C11orf58: variants seen among roughly 807,000 people sequenced by gnomAD.
The protein encoded by C11orf58 is small acidic protein.
C11orf58 carries 5 observed loss-of-function variants against 22.7 expected under a neutral mutation model. The observed-to-expected ratio is 0.22, with a 90% CI of 0.12 to 0.46. The LOEUF (loss-of-function observed/expected upper bound fraction) is 0.46, where lower values mean the gene tolerates loss of function less well. Ranked by LOEUF, C11orf58 falls within the 20% of genes least tolerant of loss-of-function variation. The probability of loss-of-function intolerance (pLI) is 0.99; values close to 1 mark genes in which losing one functional copy is unlikely to be tolerated. For missense variants in C11orf58, 151 were observed against 223.3 expected (o/e 0.68, Z 2.06); for synonymous variants, 71 against 70.7 (o/e 1.00, Z -0.02).
chr11:16,740,501 C>G (rs1432069690), intron 1 of C11orf58, among the ~76,000 whole-genome samples: 1 of 152,086 alleles, frequency 6.6e-6, no homozygotes, highest in Non-Finnish European at 1.5e-5. Flanking sequence ...CTCCCTGGCT[C>G]AGGTGATCCT....
At chr11:16,750,102 C>CA (rs1432633594) in intron 3 of C11orf58, 3 of 152,156 alleles carry the variant, frequency 2.0e-5, no homozygotes, top group Non-Finnish European at 4.4e-5. Flanking sequence ...GCAGAAGACT[C>CA]TAATACTGCC....
intron 4 of C11orf58, chr11:16,753,868 T>C (rs1398505621): frequency 4.1e-6 from 2 of 487,634 alleles, no homozygotes; most frequent in East Asian, 6.7e-5. Context: ...CTAGCTAATT[T>C]TTGTATTTTT....
chr11:16,751,047 C>T (rs1848528866), intron 3 of C11orf58: 1 of 152,208 alleles, frequency 6.6e-6, no homozygotes, highest in African/African-American at 2.4e-5. Flanking sequence ...AGAAGATAGA[C>T]ACAGAGCACA....
chr11:16,756,308 C>T lies in C11orf58; in HGVS notation c.*1204C>T, dbSNP rs1370470085. 3.7e-4 allele frequency: 46 copies of T among 122,700 alleles called. No homozygotes were observed. The Admixed American group carries it at 4.5e-3, about 12-fold the overall frequency. The allele number at this position is 122,700 out of a possible 1,614,324, so 7.6% of individuals were successfully genotyped here. A position where few individuals can be genotyped will look rare whatever the true frequency, so the allele number is the denominator to read the frequency against. ...TTTTTGAGACGGAGTCTCATTCTGT[C>T]GCCCAGGCTGGAGTGCAGTGGCGCG... is the stretch of plus-strand genomic sequence containing the variant. On this transcript the variant is annotated 3_prime_UTR_variant, in exon 5 of 5. Coordinates refer to ENST00000228136, the MANE Select transcript of C11orf58 (RefSeq NM_014267.6).
intron 1 of C11orf58, among the ~76,000 whole-genome samples, chr11:16,740,957 G>C (rs1848442734): frequency 6.6e-6 from 1 of 151,878 alleles, no homozygotes; most frequent in Admixed American, 6.6e-5. Flanking sequence ...TTAACCGGGC[G>C]TGGTAGCGGG....
intron 3 of C11orf58, chr11:16,750,485 A>G (rs1249089347): frequency 2.6e-5 from 4 of 152,256 alleles, no homozygotes; most frequent in African/African-American, 9.6e-5. Flanking sequence ...TGCTAAGGAC[A>G]TCTGTTGTGA....
chr11:16,743,912 G>C (rs1848467495), intron 1 of C11orf58, among the ~76,000 whole-genome samples: 1 of 152,004 alleles, frequency 6.6e-6, no homozygotes, highest in African/African-American at 2.4e-5. Context: ...GAGTTCAGTG[G>C]ACTCATTTGA....
At chr11:16,749,195 A>G (rs376465830) in intron 3 of C11orf58, 2 of 152,336 alleles carry the variant, frequency 1.3e-5, no homozygotes, top group East Asian at 3.9e-4. Context: ...AACTGACCCT[A>G]ATCTTGGACA....
chr11:16,758,340 A>G lies in C11orf58; in HGVS notation c.*3236A>G, dbSNP rs1274860555. 6.6e-6 allele frequency among the ~76,000 whole-genome samples: 1 copy of G among 152,200 alleles called. No homozygotes were observed. Among genetic ancestry groups the G allele is most frequent in the African/African-American group, 2.4e-5 (1 of 41,436 alleles). ...TATTAGTAAAAATTGGTTTTAACTG[A>G]CCTCAGCACTGCCCATTACCCTTAT... On this transcript the variant is annotated 3_prime_UTR_variant, in exon 5 of 5. Coordinates refer to ENST00000228136, the MANE Select transcript of C11orf58 (RefSeq NM_014267.6).
chr11:16,748,146 A>G lies in C11orf58; in HGVS notation c.197A>G (p.His66Arg). The part of the protein sequence containing the change: ...LVIGDHKSTS[H>R]FRTGEEDKKI... ...ATAGGAGATCACAAATCAACATCTC[A>G]CTTCCGAACCGGTAAGAAAGTAAAG... is the stretch of plus-strand genomic sequence containing the variant. Residue 66 changes from histidine (H) to arginine (R), a missense_variant, in exon 3 of 5, where the codon CAC becomes CGC. Coordinates refer to ENST00000228136, the MANE Select transcript of C11orf58 (RefSeq NM_014267.6). 1 of 1,611,120 alleles carries G rather than the reference A, an allele frequency of 6.2e-7. No individual in the cohort carries two copies. The highest frequency in any genetic ancestry group is 8.5e-7 in the Non-Finnish European group (1 of 1,177,432).
rs553823337 is a variant in C11orf58, at chr11:16,746,311, T to C, written c.147+1627T>C. ...AGATTTCCCAATTTGTAATTTGTCA[T>C]AGAAAATAGTCTGCAATTTCTCTTG... On this transcript the variant is annotated intron_variant, in intron 2 of 4. Coordinates refer to ENST00000228136, the MANE Select transcript of C11orf58 (RefSeq NM_014267.6). 3.9e-5 allele frequency among the ~76,000 whole-genome samples: 6 copies of C among 152,348 alleles called. No homozygotes were observed. In the South Asian group the frequency reaches 6.2e-4, roughly 16 times the overall value.
intron 2 of C11orf58, chr11:16,747,433 A>C (rs1378025709): frequency 1.3e-5 from 2 of 152,206 alleles, no homozygotes; most frequent in Non-Finnish European, 1.5e-5. Flanking sequence ...ATGAACCATA[A>C]AGAGTGGATT....
At chr11:16,743,047 T>C (rs1479272760) in intron 1 of C11orf58, among the ~76,000 whole-genome samples, 1 of 152,212 alleles carries the variant, frequency 6.6e-6, no homozygotes, top group Non-Finnish European at 1.5e-5. Context: ...ATCATCAAAA[T>C]ACAATACTTG....
chr11:16,744,621 G>A lies in C11orf58; in HGVS notation c.84G>A (p.Glu28=). The change falls in exon 2 of 5, where the codon GAG becomes GAA. Residue 28 remains glutamate, a synonymous_variant. Transcript: ENST00000228136. The part of the protein sequence containing the change: ...PDDDLGSSNW[E]AADLGNEERK... ...TCTAGCTGGGATCTAGCAATTGGGAGGCAGCAGACTTGGGTAATGAAGAGA... is the reference window on the plus strand; with the variant it reads ...TCTAGCTGGGATCTAGCAATTGGGAAGCAGCAGACTTGGGTAATGAAGAGA... The A allele has an allele frequency of 1.2e-6, 2 of 1,613,856 alleles. No homozygotes were observed. The highest frequency in any genetic ancestry group is 1.7e-6 in the Non-Finnish European group (2 of 1,179,884).
At chr11:16,753,907 C>A in intron 4 of C11orf58, 1 of 541,550 alleles carries the variant, frequency 1.8e-6, no homozygotes, top group South Asian at 2.5e-5. Flanking sequence ...CTATGTTGCC[C>A]AGGCTGGTCT....
chr11:16,744,431 G>A, intron 1 of C11orf58, 170 bp from the exon 2 acceptor site: 1 of 585,956 alleles, frequency 1.7e-6, no homozygotes, highest in Non-Finnish European at 3.0e-6. Flanking sequence ...AATAGAAAAG[G>A]AGTAAATTTG....
At chr11:16,747,784 A>T (rs1848498875) in intron 2 of C11orf58, 1 of 175,426 alleles carries the variant, frequency 5.7e-6, no homozygotes, top group Non-Finnish European at 1.2e-5. Context: ...AAATGTTTAG[A>T]TTGACTCAAT....
At chr11:16,744,538 C>A in intron 1 of C11orf58, 63 bp from the exon 2 acceptor site, 1 of 1,343,660 alleles carries the variant, frequency 7.4e-7, no homozygotes, top group Non-Finnish European at 1.1e-6. Flanking sequence ...TACAGGTAGA[C>A]TTTAGATTTC....
chr11:16,757,894 C>A lies in C11orf58; in HGVS notation c.*2790C>A, dbSNP rs1386140472. ...AGAATTGAAGGTACAGAAAAAAATTCTGGAGTGCCTGAACCACAGTTTGAG... is the reference window on the plus strand; with the variant it reads ...AGAATTGAAGGTACAGAAAAAAATTATGGAGTGCCTGAACCACAGTTTGAG... On this transcript the variant is annotated 3_prime_UTR_variant, in exon 5 of 5. Transcript: ENST00000228136. Among the ~76,000 whole-genome samples, 1 of 152,156 alleles carries A rather than the reference C, an allele frequency of 6.6e-6. No individual in the cohort carries two copies. The highest frequency in any genetic ancestry group is 1.5e-5 in the Non-Finnish European group (1 of 68,042).
Sources: gnomAD v4.1 joint callset for allele counts (sites outside exome capture counted in the v4.1 genomes callset) on GRCh38, gnomAD v4.1.1 for gene constraint, MANE v1.5 for transcripts, NCBI Gene and HGNC (gene_info 2026-07-23, HGNC 2026-07-21) for gene names.